Variants in PDPN observed in about 807,000 individuals in gnomAD.
PDPN encodes the protein podoplanin.
Under a neutral mutation model 23.2 loss-of-function variants are expected in PDPN, and 12 were observed. The observed-to-expected ratio is 0.52, with a 90% confidence interval of 0.33 to 0.84. The LOEUF (loss-of-function observed/expected upper bound fraction) is 0.84, where lower values mean the gene tolerates loss of function less well. Ranked by LOEUF, PDPN falls within the 40% of genes least tolerant of loss-of-function variation. The pLI, the probability that PDPN is intolerant of heterozygous loss-of-function variation, is 0.02. For synonymous variants in PDPN, 77 were observed against 76.7 expected (o/e 1.00, Z -0.02); for missense variants, 199 against 212.2 (o/e 0.94, Z 0.39).
At chr1:13,584,306 G>A (rs2100583076) in intron 1 of PDPN, 1 of 1,508,828 alleles carries the variant, frequency 6.6e-7, no homozygotes, top group East Asian at 2.5e-5. Context: ...CTGCGCGGGT[G>A]TGCCGGGAGG....
chr1:13,615,812 T>A, intron 5 of PDPN, 93 bp from the exon 6 acceptor site: 4 of 1,164,706 alleles, frequency 3.4e-6, no homozygotes, highest in Non-Finnish European at 5.2e-6. Context: ...CTTGGAAGAT[T>A]TAGAGCAAAG....
chr1:13,584,471 G>A (rs1640122980), intron 1 of PDPN: 1 of 625,812 alleles, frequency 1.6e-6, no homozygotes, highest in African/African-American at 1.8e-5. Flanking sequence ...GTGTGTTGGA[G>A]GAATACGCAC....
chr1:13,595,977 C>T (rs1640486028), intron 1 of PDPN: 10 of 722,618 alleles, frequency 1.4e-5, no homozygotes, highest in South Asian at 1.4e-4. Context: ...GCGGGCAGAT[C>T]ACCTGAGGTC....
intron 5 of PDPN, among the ~76,000 whole-genome samples, chr1:13,615,152 C>T (rs1641036604): frequency 1.3e-5 from 2 of 152,194 alleles, no homozygotes; most frequent in South Asian, 4.1e-4. Context: ...GCCCTGCGTG[C>T]ACCCACATAC....
At chr1:13,597,159 TAATA>T (rs1223672694) in intron 1 of PDPN, among the ~76,000 whole-genome samples, 4 of 152,202 alleles carry the variant, frequency 2.6e-5, no homozygotes, top group Non-Finnish European at 4.4e-5. Context: ...TAGAATTAAT[TAATA>T]GTTATCCTAG....
intron 1 of PDPN, among the ~76,000 whole-genome samples, chr1:13,598,227 G>A (rs953041083): frequency 6.6e-6 from 1 of 151,978 alleles, no homozygotes; most frequent in African/African-American, 2.4e-5. Flanking sequence ...ATGTTGGCCA[G>A]ACTGGTCGCT....
intron 1 of PDPN, among the ~76,000 whole-genome samples, chr1:13,585,898 A>G (rs957667011): frequency 2.0e-5 from 3 of 152,088 alleles, no homozygotes; most frequent in Non-Finnish European, 4.4e-5. Context: ...AATTATGGTG[A>G]TGAATTTTAT....
chr1:13,607,092 A>G (rs984486734), intron 1 of PDPN, 81 bp from the exon 2 acceptor site: 3 of 1,457,754 alleles, frequency 2.1e-6, no homozygotes, highest in Admixed American at 2.2e-5. Context: ...ATGGAAAAGA[A>G]AATAATCCGA....
intron 1 of PDPN, chr1:13,584,407 G>C: frequency 8.7e-7 from 1 of 1,143,042 alleles, no homozygotes; most frequent in Non-Finnish European, 1.2e-6. Flanking sequence ...AAGGTTCACA[G>C]TAGGCAGCCC....
At chr1:13,591,695 T>G (rs539030098) in intron 1 of PDPN, among the ~76,000 whole-genome samples, 3 of 152,298 alleles carry the variant, frequency 2.0e-5, no homozygotes, top group East Asian at 3.9e-4. Flanking sequence ...ATTTCGTTCT[T>G]TTAAAAAAAA....
intron 1 of PDPN, among the ~76,000 whole-genome samples, chr1:13,596,724 A>AGAT (rs1466140860): frequency 1.3e-5 from 2 of 152,214 alleles, no homozygotes; most frequent in East Asian, 3.8e-4. Context: ...ATAGGTCAGG[A>AGAT]GATGGGCCGG....
At chr1:13,604,433 T>C (rs1040108554) in intron 1 of PDPN, among the ~76,000 whole-genome samples, 1 of 138,404 alleles carries the variant, frequency 7.2e-6, no homozygotes, top group Admixed American at 7.7e-5. Flanking sequence ...AAGACATGCA[T>C]CTTAATCCTG....
chr1:13,595,726 A>C, intron 1 of PDPN: 1 of 494,056 alleles, frequency 2.0e-6, no homozygotes, highest in Non-Finnish European at 3.8e-6. Flanking sequence ...GCCACAGTGA[A>C]TGGGCATGGC....
At chr1:13,611,395 G>T (rs1028982968) in intron 3 of PDPN, among the ~76,000 whole-genome samples, 6 of 150,344 alleles carry the variant, frequency 4.0e-5, no homozygotes, top group Non-Finnish European at 8.9e-5. Context: ...ATATTATTCA[G>T]CCTTGAAAAT....
At chr1:13,604,014 T>G (rs1316490739) in intron 1 of PDPN, among the ~76,000 whole-genome samples, 2 of 152,076 alleles carry the variant, frequency 1.3e-5, no homozygotes. Flanking sequence ...GAAAGGGTGT[T>G]TATGTGAGCA....
intron 1 of PDPN, 170 bp downstream of exon 1, chr1:13,584,270 G>A: frequency 6.5e-7 from 1 of 1,531,668 alleles, no homozygotes; most frequent in Non-Finnish European, 8.7e-7. Context: ...CAGCGGCTTA[G>A]TCGGTGCCAG....
intron 1 of PDPN, among the ~76,000 whole-genome samples, chr1:13,586,186 T>C (rs1640173846): frequency 1.3e-5 from 2 of 152,178 alleles, no homozygotes; most frequent in African/African-American, 4.8e-5. Context: ...CATGTGCTTT[T>C]CCGGGACCAA....
rs553095913 is a variant in PDPN at position 13,600,566 on chromosome 1, C to T, written c.68-6607C>T. ...TTTTAGTAGAGAAGGTGTTTCACCA[C>T]GTTGGCCAGGCTGGTCTTGAACTCC... On this transcript the variant is annotated intron_variant, in intron 1 of 5. Coordinates refer to ENST00000621990, the MANE Select transcript of PDPN (RefSeq NM_006474.5). Among the ~76,000 whole-genome samples the T allele has an allele frequency of 2.2e-4, 34 of 152,158 alleles. No individual in the cohort carries two copies. The South Asian group carries it at 4.6e-3, about 20-fold the overall frequency.
At chr1:13,607,040 C>A in intron 1 of PDPN, 133 bp from the exon 2 acceptor site, 1 of 914,588 alleles carries the variant, frequency 1.1e-6, no homozygotes, top group Non-Finnish European at 1.6e-6. Flanking sequence ...CCACAGTAAG[C>A]CACAAAAAGG....
Sources: gnomAD v4.1 joint callset for allele counts (sites outside exome capture counted in the v4.1 genomes callset) on GRCh38, gnomAD v4.1.1 for gene constraint, MANE v1.5 for transcripts, NCBI Gene and HGNC (gene_info 2026-07-23, HGNC 2026-07-21) for gene names.